Variants in ACP4 observed in about 807,000 individuals in gnomAD.
ACP4 encodes the protein testicular acid phosphatase.
ACP4 carries 49 observed loss-of-function variants against 47.3 expected under a neutral mutation model. The ratio of observed to expected loss-of-function variants is 1.04; its 90% CI spans 0.82 to 1.32. The LOEUF (loss-of-function observed/expected upper bound fraction) is 1.32, where lower values mean the gene tolerates loss of function less well. Among genes scored for constraint, ACP4 ranks in the 40% most tolerant of loss-of-function variants. The pLI is 0.00. For missense variants in ACP4, 594 were observed against 579.3 expected (o/e 1.03, Z -0.26); for synonymous variants, 299 against 265.3 (o/e 1.13, Z -1.23).
At chr19:50,791,953 C>T (rs1357386335) in intron 4 of ACP4, 120 bp from the exon 5 acceptor site, 2 of 1,452,384 alleles carry the variant, frequency 1.4e-6, no homozygotes, top group Non-Finnish European at 1.8e-6. Flanking sequence ...ACGCTGCTCT[C>T]CTGGATCTGG....
intron 3 of ACP4, 119 bp from the exon 4 acceptor site, chr19:50,791,537 A>G: frequency 7.1e-7 from 1 of 1,399,724 alleles, no homozygotes; most frequent in Admixed American, 1.9e-5. Flanking sequence ...CGAAGGCCAC[A>G]TGATTCTCAG....
In ACP4 at chr19:50,790,675, C is replaced by T. The variant is rs993542537; in HGVS notation, c.193C>T (p.Arg65Ter). Residue 65 changes from arginine to a stop codon, truncating the protein, a stop_gained, in exon 2 of 11, where the codon CGA becomes TGA. Transcript: ENST00000270593. LOFTEE classifies it high-confidence loss of function. The part of the protein sequence containing the change: ...HKEVASTLWP[R>*]GLGQLTTEGV... ...GGAGGTGGCCTCCACCCTGTGGCCA[C>T]GAGGCCTGGGCCAGCTGACCACGGT... 17 of 1,422,470 alleles carry T rather than the reference C, an allele frequency of 1.2e-5. No homozygotes were observed. The highest frequency in any genetic ancestry group is 7.4e-5 in the African/African-American group (5 of 68,008). 88.1% of individuals were successfully genotyped at this position (1,422,470 alleles called of 1,614,324 possible).
rs377696451 is a variant in ACP4 at position 50,794,535 on chromosome 19, G to C, written c.940G>C (p.Gly314Arg). The change falls in exon 9 of 11, where the codon GGC (glycine) becomes CGC (arginine). Residue 314 changes from glycine (G) to arginine (R), a missense_variant. Physicochemically the swap from Gly to Arg is moderately radical, Grantham distance 125. Transcript: ENST00000270593. ...GHTPPYAACL[G>R]FEFRKHLGNP... ...CACCCCGCCATATGCTGCCTGCCTC[G>C]GCTTTGAGTTCCGGAAGCACCTGGG... The C allele has an allele frequency of 3.1e-6, 5 of 1,614,020 alleles. No homozygotes were observed. In the South Asian group the frequency reaches 5.5e-5, roughly 18 times the overall value.
At position 50,790,874 on chromosome 19, in the gene ACP4, G is replaced by T; in HGVS notation, c.303+14G>T. The T allele has an allele frequency of 6.5e-7, 1 of 1,542,062 alleles. No homozygotes were observed. Among genetic ancestry groups the T allele is most frequent in the Non-Finnish European group, 8.7e-7 (1 of 1,143,092 alleles). ...CGGCGGGAGGAGGTAGGGCCATAGT[G>T]ACCCCCACCTGGCCCCCTGACCTCC... On this transcript the variant is annotated intron_variant, in intron 3 of 10. Coordinates refer to ENST00000270593, the MANE Select transcript of ACP4 (RefSeq NM_033068.3).
chr19:50,794,075 TGCCTG>T, intron 8 of ACP4, 105 bp downstream of exon 8: 1 of 1,351,156 alleles, frequency 7.4e-7, no homozygotes, highest in Non-Finnish European at 1.0e-6. Flanking sequence ...CTCAGCCCAC[TGCCTG>T]GGGTAACCCG....
At position 50,790,869 on chromosome 19, in the gene ACP4, A is replaced by G. The variant is rs1331122739; in HGVS notation, c.303+9A>G. The G allele has an allele frequency of 6.5e-7, 1 of 1,543,694 alleles. No homozygotes were observed. Among genetic ancestry groups the G allele is most frequent in the Non-Finnish European group, 8.7e-7 (1 of 1,144,168 alleles). ...AGTACCGGCGGGAGGAGGTAGGGCC[A>G]TAGTGACCCCCACCTGGCCCCCTGA... On this transcript the variant is annotated intron_variant, in intron 3 of 10. Transcript: ENST00000270593.
In ACP4 at chr19:50,795,121, G is replaced by A. The variant is rs1437552419; in HGVS notation, c.1244G>A (p.Arg415Lys). 3.2e-6 allele frequency: 5 copies of A among 1,566,382 alleles called. No individual in the cohort carries two copies. Among genetic ancestry groups the A allele is most frequent in the Non-Finnish European group, 4.3e-6 (5 of 1,157,922 alleles). ...LSLGLGLLAW[R>K]PGCLRALGGP... ...TTGGGGCTGGGCCTGCTGGCCTGGA[G>A]ACCAGGGTGCCTGCGGGCCTTGGGG... Residue 415 changes from arginine (R) to lysine (K), a missense_variant, in exon 11 of 11, where the codon AGA becomes AAA. Transcript: ENST00000270593.
At chr19:50,791,870 G>A in intron 4 of ACP4, 68 bp downstream of exon 4, 1 of 1,515,038 alleles carries the variant, frequency 6.6e-7, no homozygotes, top group East Asian at 2.5e-5. Flanking sequence ...TCTGGGTCTG[G>A]CCGCCTGAGC....
At chr19:50,791,835 G>A (rs776756846) in intron 4 of ACP4, 33 bp downstream of exon 4, 4 of 1,558,356 alleles carry the variant, frequency 2.6e-6, no homozygotes, top group South Asian at 2.3e-5. Flanking sequence ...TGGCGAGGGA[G>A]GGAGCGGGTG....
chr19:50,793,728 C>T lies in ACP4; in HGVS notation c.690C>T (p.Val230=). Residue 230 remains valine (V), a synonymous_variant, in exon 7 of 11, where the codon GTC becomes GTT. Transcript: ENST00000270593. ...LPLPAWASPD[V]LRTLAQISAL... Reference sequence around the variant, plus strand: ...TACCAGCCTGGGCCTCCCCAGATGTCCTGCGGACTCTTGCCCAGATCTCGG... The same window carrying T: ...TACCAGCCTGGGCCTCCCCAGATGTTCTGCGGACTCTTGCCCAGATCTCGG... 1 of 1,613,782 alleles carries T rather than the reference C, an allele frequency of 6.2e-7. No homozygotes were observed. Among genetic ancestry groups the T allele is most frequent in the Non-Finnish European group, 8.5e-7 (1 of 1,180,044 alleles).
Position 50,795,189 on chromosome 19 carries a change from T to A in ACP4, c.*31T>A. 22 of 1,507,520 alleles carry A rather than the reference T, an allele frequency of 1.5e-5. No homozygotes were observed. Among genetic ancestry groups the A allele is most frequent in the Non-Finnish European group, 1.8e-5 (20 of 1,127,302 alleles). 93.4% of individuals were successfully genotyped at this position (1,507,520 alleles called of 1,614,324 possible). On this transcript the variant is annotated 3_prime_UTR_variant, in exon 11 of 11. Transcript: ENST00000270593. ...AAACCAGGGCTTCCCTACCCCCAGCTGACACTGGACCCCAACATGTATGCT... is the reference window on the plus strand; with the variant it reads ...AAACCAGGGCTTCCCTACCCCCAGCAGACACTGGACCCCAACATGTATGCT...
At chr19:50,791,831 G>A in intron 4 of ACP4, 29 bp downstream of exon 4, 1 of 1,561,950 alleles carries the variant, frequency 6.4e-7, no homozygotes, top group Admixed American at 1.9e-5. Context: ...CGTGTGGCGA[G>A]GGAGGGAGCG....
In ACP4 at chr19:50,793,667, G is replaced by C; in HGVS notation, c.646-17G>C. The C allele has an allele frequency of 1.9e-6, 3 of 1,611,996 alleles. No homozygotes were observed. Among genetic ancestry groups the C allele is most frequent in the Non-Finnish European group, 1.7e-6 (2 of 1,179,450 alleles). On this transcript the variant is annotated splice_polypyrimidine_tract_variant and intron_variant, in intron 6 of 10. Transcript: ENST00000270593. Reference sequence around the variant, plus strand: ...CTCGAGGGCTCAGGATGGTCCATCTGTCCTGTCTCCCCACAGCAAGCCCAC... The same window carrying C: ...CTCGAGGGCTCAGGATGGTCCATCTCTCCTGTCTCCCCACAGCAAGCCCAC...
At position 50,795,188 on chromosome 19, in the gene ACP4, C is replaced by G. The variant is rs545283480; in HGVS notation, c.*30C>G. ...GAAACCAGGGCTTCCCTACCCCCAG[C>G]TGACACTGGACCCCAACATGTATGC... On this transcript the variant is annotated 3_prime_UTR_variant, in exon 11 of 11. Transcript: ENST00000270593. 46 of 1,507,704 alleles carry G rather than the reference C, an allele frequency of 3.1e-5. No individual in the cohort carries two copies. The South Asian group carries it at 5.5e-4, about 18-fold the overall frequency. 93.4% of individuals were successfully genotyped at this position (1,507,704 alleles called of 1,614,324 possible).
chr19:50,792,187 G>A lies in ACP4; in HGVS notation c.549+16G>A, dbSNP rs1568464971. 6.2e-7 allele frequency: 1 copy of A among 1,610,810 alleles called. No individual in the cohort carries two copies. ...GGGCTGGACGGTGAGCAGGGCGGCG[G>A]TGGGGGGCGGGATGCAGGGGATGGG... On this transcript the variant is annotated intron_variant, in intron 5 of 10. Transcript: ENST00000270593.
intron 8 of ACP4, 138 bp from the exon 9 acceptor site, chr19:50,794,319 C>T (rs1393395019): frequency 1.4e-5 from 18 of 1,267,150 alleles, no homozygotes; most frequent in Non-Finnish European, 1.9e-5. Context: ...GTTGGTACTG[C>T]CTTCAGGATG....
At position 50,795,144 on chromosome 19, in the gene ACP4, G is replaced by C. The variant is rs992325849; in HGVS notation, c.1267G>C (p.Gly423Arg). 6.5e-6 allele frequency: 10 copies of C among 1,548,192 alleles called. No individual in the cohort carries two copies. The highest frequency in any genetic ancestry group is 8.7e-7 in the Non-Finnish European group (1 of 1,149,742). The change falls in exon 11 of 11, where the codon GGG (glycine) becomes CGG (arginine). Residue 423 changes from glycine (G) to arginine (R), a missense_variant. Transcript: ENST00000270593. ...AWRPGCLRAL[G>R]GPV ...GAGACCAGGGTGCCTGCGGGCCTTG[G>C]GGGGCCCCGTGTGAGCCAGAAACCA...
intron 6 of ACP4, chr19:50,792,575 G>C (rs906107937): frequency 6.0e-6 from 3 of 499,190 alleles, no homozygotes; most frequent in Non-Finnish European, 1.1e-5. Flanking sequence ...TGAGGGCCTT[G>C]CCAGGGTTTG....
Position 50,792,341 on chromosome 19 carries a change from A to G in ACP4, c.645+4A>G. The G allele has an allele frequency of 6.2e-7, 1 of 1,612,876 alleles. No homozygotes were observed. The highest frequency in any genetic ancestry group is 8.5e-7 in the Non-Finnish European group (1 of 1,179,916). On this transcript the variant is annotated splice_donor_region_variant and intron_variant, in intron 6 of 10. Transcript: ENST00000270593. Reference sequence around the variant, plus strand: ...TCTGGACACCCTCATGTGCCAGGTGAGCCCTGCCCCTTCCCAGCCAAGGGT... The same window carrying G: ...TCTGGACACCCTCATGTGCCAGGTGGGCCCTGCCCCTTCCCAGCCAAGGGT...
Sources: allele counts gnomAD v4.1 joint callset, GRCh38; gene constraint gnomAD v4.1.1; transcripts MANE v1.5; gene names NCBI Gene and HGNC (gene_info 2026-07-23, HGNC 2026-07-21).